Variants in FAM171A1 observed in about 807,000 individuals in gnomAD.
FAM171A1 encodes protein FAM171A1.
Under a neutral mutation model 74.9 loss-of-function variants are expected in FAM171A1, and 23 were observed. The observed-to-expected ratio is 0.31, with a 90% CI of 0.22 to 0.44. The LOEUF is 0.44. Among genes scored for constraint, FAM171A1 ranks in the 20% least tolerant of loss-of-function variants. FAM171A1 has a pLI of 1.00. For missense variants in FAM171A1, 1,162 were observed against 1,159.2 expected (o/e 1.00, Z -0.03); for synonymous variants, 527 against 505.7 (o/e 1.04, Z -0.57).
intron 1 of FAM171A1, among the ~76,000 whole-genome samples, chr10:15,306,591 G>C (rs6602834): frequency 0.67 from 101,481 of 151,958 alleles, 34,182 homozygotes; most frequent in East Asian, 0.92. Flanking sequence ...GTCTCAAACT[G>C]CTGACCTCAG....
intron 1 of FAM171A1, among the ~76,000 whole-genome samples, chr10:15,325,587 T>C (rs1203682079): frequency 5.3e-5 from 8 of 152,192 alleles, no homozygotes; most frequent in Admixed American, 3.3e-4. Context: ...ACTTCTAGCT[T>C]ATGTCAGGGG....
chr10:15,355,734 AAAAT>A (rs1318241007), intron 1 of FAM171A1, among the ~76,000 whole-genome samples: 7 of 151,996 alleles, frequency 4.6e-5, no homozygotes, highest in East Asian at 1.9e-4. Flanking sequence ...TAATAATAAT[AAAAT>A]AAATAAATAA....
chr10:15,229,888 CCATCACCATCATCACCAT>C lies in FAM171A1; in HGVS notation c.755-8846_755-8829del, dbSNP rs1564617028. On this transcript the variant is annotated intron_variant, in intron 5 of 7. Coordinates refer to ENST00000378116, the MANE Select transcript of FAM171A1 (RefSeq NM_001010924.2). Reference sequence around the variant, plus strand: ...CCCATCACCATCATCACCATCACCACCATCACCATCATCACCATCACCACCATCACCAACATCATCATC... The same window carrying C: ...CCCATCACCATCATCACCATCACCACCACCACCATCACCAACATCATCATC... 6.1e-3 allele frequency among the ~76,000 whole-genome samples: 461 copies of C among 76,122 alleles called. 12 individuals are homozygous for C. Among genetic ancestry groups the C allele is most frequent in the African/African-American group, 7.7e-3 (153 of 19,814 alleles). 49.9% of individuals were successfully genotyped at this position (76,122 alleles called of 152,430 possible). A position where few individuals can be genotyped will look rare whatever the true frequency, so the allele number is the denominator to read the frequency against.
At chr10:15,358,575 C>T (rs558847337) in intron 1 of FAM171A1, among the ~76,000 whole-genome samples, 61 of 152,300 alleles carry the variant, frequency 4.0e-4, no homozygotes, top group Non-Finnish European at 8.4e-4. Flanking sequence ...TTCCCTCAAT[C>T]CCAGCTAGGT....
intron 4 of FAM171A1, among the ~76,000 whole-genome samples, chr10:15,249,947 C>G (rs932124272): frequency 6.6e-6 from 1 of 152,150 alleles, no homozygotes; most frequent in Non-Finnish European, 1.5e-5. Context: ...AAAAACACAG[C>G]GATAAAAAAT....
At chr10:15,314,864 C>T (rs1424696161) in intron 1 of FAM171A1, among the ~76,000 whole-genome samples, 16 of 152,234 alleles carry the variant, frequency 1.1e-4, no homozygotes, top group African/African-American at 7.2e-5. Context: ...CCTGCCACCT[C>T]GGCCTGGCCT....
intron 5 of FAM171A1, among the ~76,000 whole-genome samples, chr10:15,227,970 A>G (rs963558595): frequency 1.3e-5 from 2 of 152,162 alleles, no homozygotes; most frequent in African/African-American, 2.4e-5. Flanking sequence ...TTGGTTACCA[A>G]CCAGTAATGA....
intron 1 of FAM171A1, among the ~76,000 whole-genome samples, chr10:15,364,866 C>T (rs1464738777): frequency 6.6e-6 from 1 of 152,156 alleles, no homozygotes; most frequent in Non-Finnish European, 1.5e-5. Flanking sequence ...ATTAGCACAT[C>T]TCCTCTGACT....
intron 7 of FAM171A1, among the ~76,000 whole-genome samples, chr10:15,215,676 G>C (rs912040655): frequency 1.9e-4 from 29 of 152,256 alleles, no homozygotes; most frequent in African/African-American, 6.3e-4. Context: ...CAAATAAGAA[G>C]AGTTCTGCTT....
rs568369395 is a variant in FAM171A1, at chr10:15,237,554, AGAACAG to A, written c.754+11079_754+11084del. 6.6e-5 allele frequency: 10 copies of A among 152,256 alleles called. No homozygotes were observed. The East Asian group carries it at 1.9e-3, about 29-fold the overall frequency. 9.4% of individuals were successfully genotyped at this position (152,256 alleles called of 1,614,324 possible). ...ACCCGGCCTTCCTGCACTCCATTGG[AGAACAG>A]GAGTGGTACAGAGCCACTGCGATGC... On this transcript the variant is annotated intron_variant, in intron 5 of 7. Transcript: ENST00000378116.
chr10:15,278,601 A>G (rs1834925790), intron 2 of FAM171A1, among the ~76,000 whole-genome samples: 1 of 152,232 alleles, frequency 6.6e-6, no homozygotes, highest in South Asian at 2.1e-4. Flanking sequence ...CATGTGCTAC[A>G]ACGTGGATGA....
intron 1 of FAM171A1, among the ~76,000 whole-genome samples, chr10:15,329,627 T>TA (rs11302159): frequency 5.0e-5 from 7 of 140,844 alleles, no homozygotes; most frequent in Admixed American, 2.1e-4. Flanking sequence ...CCATCTCACT[T>TA]AAAAAAAAAA....
At chr10:15,305,524 C>T (rs1484782194) in intron 1 of FAM171A1, among the ~76,000 whole-genome samples, 2 of 151,668 alleles carry the variant, frequency 1.3e-5, no homozygotes, top group African/African-American at 4.8e-5. Flanking sequence ...AAAGCTTAGC[C>T]TGGTGTGGTG....
rs754027958 is a variant in FAM171A1 at position 15,221,022 on chromosome 10, C to T, written c.793G>A (p.Glu265Lys). The T allele has an allele frequency of 2.5e-6, 4 of 1,614,192 alleles. No individual in the cohort carries two copies. The South Asian group carries it at 4.4e-5, about 18-fold the overall frequency. ...TATGTCCACGTCAGCTGGCTGCCTT[C>T]CTGGTGCACAAGACCCAGACCGCTC... ...LKSGLGLVHQ[E>K]GSQLTWTYIA... The change falls in exon 6 of 8, where the codon GAA becomes AAA. Residue 265 changes from glutamate to lysine, a missense_variant. By Grantham distance (56) the Glu-to-Lys change is moderately conservative. Transcript: ENST00000378116.
chr10:15,231,366 G>C (rs565594229), intron 5 of FAM171A1, among the ~76,000 whole-genome samples: 2 of 152,066 alleles, frequency 1.3e-5, no homozygotes, highest in Non-Finnish European at 2.9e-5. Flanking sequence ...ACCATGCCTG[G>C]CTAAATTTTT....
At chr10:15,308,939 T>G in intron 1 of FAM171A1, among the ~76,000 whole-genome samples, 1 of 152,196 alleles carries the variant, frequency 6.6e-6, no homozygotes. Context: ...ATGCTGGGAT[T>G]ACAGACGTGA....
At chr10:15,296,697 G>C (rs185235267) in intron 1 of FAM171A1, among the ~76,000 whole-genome samples, 1 of 151,062 alleles carries the variant, frequency 6.6e-6, no homozygotes, top group African/African-American at 2.4e-5. Context: ...CCTCACTATG[G>C]ATCTGCGGCC....
chr10:15,306,395 T>C, intron 1 of FAM171A1, among the ~76,000 whole-genome samples: 1 of 152,052 alleles, frequency 6.6e-6, no homozygotes, highest in East Asian at 1.9e-4. Context: ...GAGACAGTCT[T>C]GCTCTGTCAC....
chr10:15,330,292 T>C (rs1835611924), intron 1 of FAM171A1, among the ~76,000 whole-genome samples: 1 of 152,132 alleles, frequency 6.6e-6, no homozygotes, highest in Admixed American at 6.5e-5. Flanking sequence ...TGAGCCAAGA[T>C]TGCACCACTG....
Sources: gnomAD v4.1 joint callset for allele counts (sites outside exome capture counted in the v4.1 genomes callset) on GRCh38, gnomAD v4.1.1 for gene constraint, MANE v1.5 for transcripts, NCBI Gene and HGNC (gene_info 2026-07-23, HGNC 2026-07-21) for gene names.